Variants in RYR3 observed in about 807,000 individuals in gnomAD.
The protein encoded by RYR3 is brain ryanodine receptor-calcium release channel.
In RYR3, 207 loss-of-function variants were observed where a neutral mutation model predicts 584.3. The ratio of observed to expected loss-of-function variants is 0.35; its 90% CI spans 0.32 to 0.40. RYR3 has a LOEUF of 0.40. Among genes scored for constraint, RYR3 ranks in the 10% least tolerant of loss-of-function variants. The pLI, the probability that RYR3 is intolerant of heterozygous loss-of-function variation, is 1.00. For missense variants in RYR3, 5,616 were observed against 6,089.2 expected, an observed-to-expected ratio of 0.92 and a Z score of 2.59; for synonymous variants, 2,416 against 2,248.5, an observed-to-expected ratio of 1.07 and a Z score of -2.11.
chr15:33,785,654 T>C lies in RYR3; in HGVS notation c.9269-8T>C, dbSNP rs765789612. 2.6e-6 allele frequency: 4 copies of C among 1,553,364 alleles called. No homozygotes were observed. Among genetic ancestry groups the C allele is most frequent in the Non-Finnish European group, 8.7e-7 (1 of 1,147,774 alleles). ...AATTTCTGTCCCTTTATTCTTCCTC[T>C]CAATCAGTTCTGGGGATGCCAGACA... On this transcript the variant is annotated splice_polypyrimidine_tract_variant and splice_region_variant and intron_variant, in intron 65 of 103. Coordinates refer to ENST00000634891, the MANE Select transcript of RYR3 (RefSeq NM_001036.6).
chr15:33,625,023 G>GAAC (rs1454579173), intron 20 of RYR3, among the ~76,000 whole-genome samples: 2 of 152,164 alleles, frequency 1.3e-5, no homozygotes, highest in African/African-American at 4.8e-5. Context: ...CTGCTATAAA[G>GAAC]AACTACCTGA....
intron 67 of RYR3, among the ~76,000 whole-genome samples, chr15:33,791,784 A>G (rs976888528): frequency 2.0e-5 from 3 of 152,182 alleles, no homozygotes; most frequent in Admixed American, 6.5e-5. Flanking sequence ...GGTATATGTA[A>G]GGAGGTAATT....
chr15:33,484,211 G>C (rs1430354416), intron 2 of RYR3, among the ~76,000 whole-genome samples: 1 of 151,922 alleles, frequency 6.6e-6, no homozygotes, highest in Admixed American at 6.6e-5. Flanking sequence ...AAGTAGAATT[G>C]AAGTCTTATA....
Position 33,750,050 on chromosome 15 carries a change from C to T in RYR3, c.8271C>T (p.Ser2757=). 6.2e-7 allele frequency: 1 copy of T among 1,611,444 alleles called. No homozygotes were observed. The highest frequency in any genetic ancestry group is 8.5e-7 in the Non-Finnish European group (1 of 1,178,922). The change falls in exon 56 of 104, where the codon AGC becomes AGT. Residue 2757 remains serine, a synonymous_variant. Transcript: ENST00000634891. The part of the protein sequence containing the change: ...WAKKKKLELE[S]KGGGSHPLLV... The stretch of plus-strand genomic sequence containing the variant: ...AGAAGAAGAAGCTGGAGCTGGAGAG[C>T]AAAGGTGAGTGAGGTTCACAGCATC...
chr15:33,826,516 C>T (rs2077388020), intron 83 of RYR3, among the ~76,000 whole-genome samples, 156 bp from the exon 84 acceptor site: 1 of 152,206 alleles, frequency 6.6e-6, no homozygotes, highest in African/African-American at 2.4e-5. Context: ...CCTTGCAGCC[C>T]AGCTCAGTTT....
chr15:33,349,704 A>C, intron 1 of RYR3, among the ~76,000 whole-genome samples: 1 of 145,048 alleles, frequency 6.9e-6, no homozygotes, highest in African/African-American at 2.6e-5. Context: ...CTAACTCGTC[A>C]TCTAGCATTA....
At chr15:33,468,151 T>C (rs2048638434) in intron 1 of RYR3, among the ~76,000 whole-genome samples, 1 of 152,202 alleles carries the variant, frequency 6.6e-6, no homozygotes, top group Non-Finnish European at 1.5e-5. Flanking sequence ...TGACTTAACC[T>C]TTCTGTGCCT....
In RYR3 at chr15:33,705,096, ACTCTTTCTCTCT is replaced by A. The variant is rs1368598988; in HGVS notation, c.6484-1818_6484-1807del. Reference sequence around the variant, plus strand: ...CATATGCACACACACATGCACACACACTCTTTCTCTCTCTCTCTCTCTCTCTCTCTCTCTCTC... The same window carrying A: ...CATATGCACACACACATGCACACACACTCTCTCTCTCTCTCTCTCTCTCTC... On this transcript the variant is annotated intron_variant, in intron 42 of 103. Transcript: ENST00000634891. 5.1e-5 allele frequency among the ~76,000 whole-genome samples: 4 copies of A among 78,918 alleles called. No homozygotes were observed. The South Asian group carries it at 1.3e-3, about 26-fold the overall frequency. 51.8% of individuals were successfully genotyped at this position (78,918 alleles called of 152,430 possible).
chr15:33,834,789 G>A (rs2077932235), intron 86 of RYR3, among the ~76,000 whole-genome samples, 179 bp from the exon 87 acceptor site: 1 of 152,142 alleles, frequency 6.6e-6, no homozygotes, highest in African/African-American at 2.4e-5. Context: ...TCCTAGATAT[G>A]GTATCCTATA....
At position 33,580,025 on chromosome 15, in the gene RYR3, C is replaced by T. The variant is rs1261520767; in HGVS notation, c.1318C>T (p.Leu440=). 3 of 1,613,538 alleles carry T rather than the reference C, an allele frequency of 1.9e-6. No individual in the cohort carries two copies. In the African/African-American group the frequency reaches 4.0e-5, roughly 22 times the overall value. The change falls in exon 13 of 104, where the codon CTG becomes TTG. Residue 440 remains leucine, a synonymous_variant. Coordinates refer to ENST00000634891, the MANE Select transcript of RYR3 (RefSeq NM_001036.6). The stretch of plus-strand genomic sequence containing the variant: ...CATCACCCTGCCTATAGAAGAAGTC[C>T]TGCAGACCCTACAGGACTTGATCGC... ...APITLPIEEV[L]QTLQDLIAYF...
intron 66 of RYR3, among the ~76,000 whole-genome samples, chr15:33,788,004 G>A (rs1331940356): frequency 1.3e-5 from 2 of 152,206 alleles, no homozygotes; most frequent in African/African-American, 4.8e-5. Context: ...AGCAGAGCAG[G>A]AATATGGACC....
chr15:33,827,520 T>A (rs1013851761), intron 85 of RYR3, among the ~76,000 whole-genome samples: 1 of 152,252 alleles, frequency 6.6e-6, no homozygotes. Flanking sequence ...TGGTTTACTT[T>A]AGTTTTGCCA....
intron 69 of RYR3, 183 bp downstream of exon 69, chr15:33,802,144 T>G: frequency 1.3e-6 from 1 of 743,864 alleles, no homozygotes; most frequent in Non-Finnish European, 2.5e-6. Context: ...ATAAGCATGG[T>G]CATCACATTT....
chr15:33,729,612 G>T (rs2068776848), intron 47 of RYR3, among the ~76,000 whole-genome samples: 1 of 152,012 alleles, frequency 6.6e-6, no homozygotes, highest in Admixed American at 6.6e-5. Flanking sequence ...GAAATCAAGG[G>T]TGAGATAGAT....
intron 94 of RYR3, chr15:33,851,765 T>C (rs1361924474): frequency 1.3e-5 from 2 of 152,160 alleles, no homozygotes; most frequent in Non-Finnish European, 2.9e-5. Flanking sequence ...ATAAATGATT[T>C]AAGAGAAAGG....
intron 18 of RYR3, among the ~76,000 whole-genome samples, chr15:33,606,339 A>G (rs16973229): frequency 0.042 from 6,449 of 152,320 alleles, 177 homozygotes; most frequent in Non-Finnish European, 0.067. Flanking sequence ...CTGCAGTTAT[A>G]AAGACCAAAT....
At chr15:33,351,090 C>T (rs1455125447) in intron 1 of RYR3, among the ~76,000 whole-genome samples, 2 of 152,164 alleles carry the variant, frequency 1.3e-5, no homozygotes, top group Non-Finnish European at 2.9e-5. Context: ...CACCACCGAT[C>T]CCACAGAAAT....
intron 32 of RYR3, among the ~76,000 whole-genome samples, chr15:33,653,309 G>A (rs1192512159): frequency 6.6e-6 from 1 of 152,132 alleles, no homozygotes; most frequent in Non-Finnish European, 1.5e-5. Context: ...GGATTAATTT[G>A]CCAGGAAATA....
At chr15:33,528,762 A>G (rs943128670) in intron 3 of RYR3, among the ~76,000 whole-genome samples, 1 of 152,168 alleles carries the variant, frequency 6.6e-6, no homozygotes, top group Non-Finnish European at 1.5e-5. Context: ...TAGGAAAACC[A>G]CTTTTGCCAT....
Sources: gnomAD v4.1 joint callset for allele counts (sites outside exome capture counted in the v4.1 genomes callset) on GRCh38, gnomAD v4.1.1 for gene constraint, MANE v1.5 for transcripts, NCBI Gene and HGNC (gene_info 2026-07-23, HGNC 2026-07-21) for gene names.